The following GABRB2 variants were observed in gnomAD, a reference collection of about 807,000 sequenced individuals.
GABRB2 encodes gamma-aminobutyric acid receptor subunit beta-2.
In GABRB2, 16 loss-of-function variants were observed where a neutral mutation model predicts 54.7. The ratio of observed to expected loss-of-function variants is 0.29; its 90% CI spans 0.20 to 0.44. The LOEUF is 0.44. Ranked by LOEUF, GABRB2 falls within the 20% of genes least tolerant of loss-of-function variation. The pLI, the probability that GABRB2 is intolerant of heterozygous loss-of-function variation, is 1.00. For missense variants in GABRB2, 355 were observed against 644.0 expected, an observed-to-expected ratio of 0.55 and a Z score of 4.86; for synonymous variants, 244 against 233.8, an observed-to-expected ratio of 1.04 and a Z score of -0.40.
At chr5:161,443,889 G>A (rs1485758515) in intron 4 of GABRB2, among the ~76,000 whole-genome samples, 1 of 152,146 alleles carries the variant, frequency 6.6e-6, no homozygotes, top group Non-Finnish European at 1.5e-5. Flanking sequence ...AATCATCTTA[G>A]TGTATCAGTA....
intron 5 of GABRB2, among the ~76,000 whole-genome samples, chr5:161,406,769 G>C (rs547022317): frequency 6.6e-6 from 1 of 152,188 alleles, no homozygotes; most frequent in African/African-American, 2.4e-5. Context: ...CTGTCACAAA[G>C]GGCAGTGTGT....
At chr5:161,377,219 CTG>C (rs1425156675) in intron 5 of GABRB2, among the ~76,000 whole-genome samples, 6 of 152,048 alleles carry the variant, frequency 3.9e-5, no homozygotes, top group Admixed American at 2.0e-4. Flanking sequence ...TGTAGAATCA[CTG>C]TGTTTGCAGG....
chr5:161,376,667 T>C (rs1345521669), intron 5 of GABRB2, among the ~76,000 whole-genome samples: 1 of 152,122 alleles, frequency 6.6e-6, no homozygotes, highest in Non-Finnish European at 1.5e-5. Context: ...ATATATCTTA[T>C]CTGCAGTAAA....
chr5:161,447,629 T>A (rs958709585), intron 4 of GABRB2, among the ~76,000 whole-genome samples: 1 of 152,156 alleles, frequency 6.6e-6, no homozygotes, highest in Non-Finnish European at 1.5e-5. Context: ...GTCATTAACC[T>A]ATTACACCGG....
intron 3 of GABRB2, among the ~76,000 whole-genome samples, chr5:161,540,838 C>CATT (rs573332908): frequency 0.013 from 1,997 of 151,350 alleles, 44 homozygotes; most frequent in African/African-American, 0.044. Context: ...ATTGTAATCT[C>CATT]ATTATTATTA....
chr5:161,362,271 G>C (rs572934394), intron 5 of GABRB2, among the ~76,000 whole-genome samples: 3 of 152,204 alleles, frequency 2.0e-5, no homozygotes, highest in African/African-American at 7.2e-5. Flanking sequence ...TCTTCTTTTA[G>C]TTCCATATGA....
At chr5:161,358,885 C>A (rs1338162919) in intron 5 of GABRB2, among the ~76,000 whole-genome samples, 3 of 152,080 alleles carry the variant, frequency 2.0e-5, no homozygotes, top group Non-Finnish European at 4.4e-5. Flanking sequence ...CCAGCAACGT[C>A]CAAGGCCTAG....
At chr5:161,330,031 T>C (rs1753784065) in intron 8 of GABRB2, 1 of 152,218 alleles carries the variant, frequency 6.6e-6, no homozygotes, top group Admixed American at 6.5e-5. Context: ...GGGAACTTTT[T>C]AAAATTGTGT....
In GABRB2 at chr5:161,504,358, T is replaced by C. The variant is rs73303266; in HGVS notation, c.237+40869A>G. The stretch of plus-strand genomic sequence containing the variant: ...CTAATGTCATTTACTGTATGTTCTA[T>C]GACAACAACAGAATCACATTAGATT... On this transcript the variant is annotated intron_variant, in intron 3 of 9. Coordinates refer to ENST00000393959, the MANE Select transcript of GABRB2 (RefSeq NM_001371727.1). Among the ~76,000 whole-genome samples the C allele has an allele frequency of 3.1e-3, 478 of 152,242 alleles. 2 individuals are homozygous for C. The highest frequency in any genetic ancestry group is 0.011 in the African/African-American group (454 of 41,576).
chr5:161,540,808 G>GT (rs1212540440), intron 3 of GABRB2, among the ~76,000 whole-genome samples: 1 of 151,946 alleles, frequency 6.6e-6, no homozygotes, highest in African/African-American at 2.4e-5. Flanking sequence ...TTATTTTCTT[G>GT]TTGTTTTGTT....
intron 3 of GABRB2, among the ~76,000 whole-genome samples, chr5:161,473,378 A>T (rs1758501195): frequency 6.6e-6 from 1 of 152,028 alleles, no homozygotes; most frequent in South Asian, 2.1e-4. Context: ...ATGCGGAAAA[A>T]GTGTAAGTAA....
intron 4 of GABRB2, among the ~76,000 whole-genome samples, chr5:161,422,723 C>A (rs1432125517): frequency 6.6e-6 from 1 of 152,130 alleles, no homozygotes; most frequent in Non-Finnish European, 1.5e-5. Flanking sequence ...ATAACTTACT[C>A]TATTTGCATT....
chr5:161,480,464 C>T (rs1280369193), intron 3 of GABRB2, among the ~76,000 whole-genome samples: 14 of 151,886 alleles, frequency 9.2e-5, no homozygotes, highest in Admixed American at 9.2e-4. Flanking sequence ...AAGGGGAGTC[C>T]TGCAGTCTCC....
In GABRB2 at chr5:161,448,226, C is replaced by A. The variant is rs1757689453; in HGVS notation, c.458+11398G>T. On this transcript the variant is annotated intron_variant, in intron 4 of 9. Coordinates refer to ENST00000393959, the MANE Select transcript of GABRB2 (RefSeq NM_001371727.1). Reference sequence around the variant, plus strand: ...TCACTTGTGAAAAGGAGTTCAAGACCAGCCTGGGGAACATAGTGAGACCTT... The same window carrying A: ...TCACTTGTGAAAAGGAGTTCAAGACAAGCCTGGGGAACATAGTGAGACCTT... Among the ~76,000 whole-genome samples, 3 of 152,024 alleles carry A rather than the reference C, an allele frequency of 2.0e-5. No homozygotes were observed. The South Asian group carries it at 6.2e-4, about 32-fold the overall frequency.
Position 161,292,352 on chromosome 5 carries a change from C to T in GABRB2, c.*1729G>A, listed in dbSNP as rs766328139. The stretch of plus-strand genomic sequence containing the variant: ...TTCAAAATAGAAATAGCAAAGTCAT[C>T]CTCCAAGAAAAAGTTCAATCAAATT... On this transcript the variant is annotated 3_prime_UTR_variant, in exon 10 of 10. Coordinates refer to ENST00000393959, the MANE Select transcript of GABRB2 (RefSeq NM_001371727.1). 1 of 152,058 alleles carries T rather than the reference C, an allele frequency of 6.6e-6. No homozygotes were observed. The highest frequency in any genetic ancestry group is 1.5e-5 in the Non-Finnish European group (1 of 68,008). The allele number at this position is 152,058 out of a possible 1,614,324, so 9.4% of individuals were successfully genotyped here.
At position 161,289,799 on chromosome 5, in the gene GABRB2, GTGTGTGTGTGTGTGAC is replaced by G. The variant is rs1045408867; in HGVS notation, c.*4266_*4281del. On this transcript the variant is annotated 3_prime_UTR_variant, in exon 10 of 10. Coordinates refer to ENST00000393959, the MANE Select transcript of GABRB2 (RefSeq NM_001371727.1). Reference sequence around the variant, plus strand: ...AGATTATGTGTGTTTGAGTGTGTGTGTGTGTGTGTGTGTGACTGTGTGTGACTGTGTGTGTGATAGC... The same window carrying G: ...AGATTATGTGTGTTTGAGTGTGTGTGTGTGTGTGACTGTGTGTGTGATAGC... 1 of 130,664 alleles carries G rather than the reference GTGTGTGTGTGTGTGAC, an allele frequency of 7.7e-6. No individual in the cohort carries two copies. The highest frequency in any genetic ancestry group is 2.3e-4 in the South Asian group (1 of 4,376). 8.1% of individuals were successfully genotyped at this position (130,664 alleles called of 1,614,324 possible).
chr5:161,520,473 T>C (rs944206014), intron 3 of GABRB2, among the ~76,000 whole-genome samples: 1 of 152,160 alleles, frequency 6.6e-6, no homozygotes, highest in Non-Finnish European at 1.5e-5. Flanking sequence ...TTTAGTCTGT[T>C]CAATTTCTTA....
chr5:161,358,387 T>C (rs946511662), intron 5 of GABRB2, among the ~76,000 whole-genome samples: 1 of 151,850 alleles, frequency 6.6e-6, no homozygotes, highest in Non-Finnish European at 1.5e-5. Flanking sequence ...TATGTTAAAA[T>C]AGAGACTAGG....
chr5:161,390,616 A>T lies in GABRB2; in HGVS notation c.541+20359T>A, dbSNP rs6872124. ...TCATGTAAAATATTAACATTAGGCG[A>T]AGTTGGGTGAAGAGCATGAAGGAAT... On this transcript the variant is annotated intron_variant, in intron 5 of 9. Transcript: ENST00000393959. 6.1e-3 allele frequency among the ~76,000 whole-genome samples: 924 copies of T among 152,214 alleles called. 9 individuals carry two copies. Among genetic ancestry groups the T allele is most frequent in the African/African-American group, 0.021 (876 of 41,538 alleles).
Sources: gnomAD v4.1 joint callset for allele counts (sites outside exome capture counted in the v4.1 genomes callset) on GRCh38, gnomAD v4.1.1 for gene constraint, MANE v1.5 for transcripts, NCBI Gene and HGNC (gene_info 2026-07-23, HGNC 2026-07-21) for gene names.